SNX29: variants seen among roughly 807,000 people sequenced by gnomAD.
SNX29 encodes sorting nexin 29.
SNX29 carries 78 observed loss-of-function variants against 102.1 expected under a neutral mutation model. That is an observed-to-expected ratio of 0.76 (90% CI 0.64 to 0.92). SNX29 has a LOEUF of 0.92. Ranked by LOEUF, SNX29 falls within the 40% of genes least tolerant of loss-of-function variation. The pLI is 0.00. For synonymous variants in SNX29, 580 were observed against 414.5 expected, an observed-to-expected ratio of 1.40 and a Z score of -4.85; for missense variants, 1,280 against 1,061.7, an observed-to-expected ratio of 1.21 and a Z score of -2.86.
At position 12,568,776 on chromosome 16, in the gene SNX29, C is replaced by T. The variant is rs944998670; in HGVS notation, c.*147C>T. 1 of 1,237,832 alleles carries T rather than the reference C, an allele frequency of 8.1e-7. No homozygotes were observed. The highest frequency in any genetic ancestry group is 1.1e-6 in the Non-Finnish European group (1 of 912,878). The allele number at this position is 1,237,832 out of a possible 1,614,324, so 76.7% of individuals were successfully genotyped here. Reference sequence around the variant, plus strand: ...CGATTCCCAACAGTTACACAACACCCCGATTAAACTAATCAGTCTTCGAGC... The same window carrying T: ...CGATTCCCAACAGTTACACAACACCTCGATTAAACTAATCAGTCTTCGAGC... On this transcript the variant is annotated 3_prime_UTR_variant, in exon 21 of 21. Coordinates refer to ENST00000566228, the MANE Select transcript of SNX29 (RefSeq NM_032167.5).
At chr16:12,057,827 T>TA (rs1314554847) in intron 8 of SNX29, among the ~76,000 whole-genome samples, 5 of 117,388 alleles carry the variant, frequency 4.3e-5, no homozygotes, top group East Asian at 2.2e-4. Context: ...TATATATATA[T>TA]TTTTTTTTGA....
intron 13 of SNX29, among the ~76,000 whole-genome samples, chr16:12,198,776 G>T (rs1176271966): frequency 6.6e-6 from 1 of 152,230 alleles, no homozygotes; most frequent in Non-Finnish European, 1.5e-5. Flanking sequence ...GTAAAATGTG[G>T]AGAATACTGC....
chr16:12,004,864 T>C (rs2056403800), intron 3 of SNX29, among the ~76,000 whole-genome samples: 1 of 152,206 alleles, frequency 6.6e-6, no homozygotes, highest in African/African-American at 2.4e-5. Context: ...ACAAACTATA[T>C]ATACATTCGG....
At chr16:12,539,471 C>T (rs138204344) in intron 20 of SNX29, among the ~76,000 whole-genome samples, 54 of 152,296 alleles carry the variant, frequency 3.5e-4, no homozygotes, top group Admixed American at 5.9e-4. Context: ...GGATATACCA[C>T]GGTTTATCTA....
At chr16:12,112,010 C>G (rs1356043021) in intron 11 of SNX29, among the ~76,000 whole-genome samples, 1 of 152,206 alleles carries the variant, frequency 6.6e-6, no homozygotes, top group Non-Finnish European at 1.5e-5. Flanking sequence ...GTTCCCAGGG[C>G]TCTGCTGGCA....
intron 16 of SNX29, among the ~76,000 whole-genome samples, chr16:12,376,894 G>T (rs1338920309): frequency 6.6e-6 from 1 of 152,008 alleles, no homozygotes; most frequent in Non-Finnish European, 1.5e-5. Flanking sequence ...TCACATGTCT[G>T]TAATTTCATG....
chr16:12,237,558 G>T (rs183771326), intron 14 of SNX29, among the ~76,000 whole-genome samples: 1 of 152,026 alleles, frequency 6.6e-6, no homozygotes, highest in African/African-American at 2.4e-5. Context: ...ATCACCTGAG[G>T]TCAGGAGTTT....
chr16:12,437,578 C>A (rs528231176), intron 18 of SNX29, among the ~76,000 whole-genome samples: 29 of 152,274 alleles, frequency 1.9e-4, no homozygotes, highest in Non-Finnish European at 3.5e-4. Context: ...ATCTCTGTCT[C>A]CCCGAATTGC....
intron 18 of SNX29, among the ~76,000 whole-genome samples, chr16:12,461,809 A>T (rs2086784949): frequency 6.6e-6 from 1 of 150,806 alleles, no homozygotes; most frequent in Non-Finnish European, 1.5e-5. Context: ...ATACAAAATT[A>T]GCCGGGCATG....
intron 15 of SNX29, among the ~76,000 whole-genome samples, chr16:12,326,764 T>TA: frequency 1.7e-4 from 1 of 6,000 alleles, no homozygotes; most frequent in Non-Finnish European, 0.012. Context: ...GATATTATAC[T>TA]AGCTTGTGGT....
At position 12,003,061 on chromosome 16, in the gene SNX29, A is replaced by G; in HGVS notation, c.122+18A>G. 1 of 1,614,016 alleles carries G rather than the reference A, an allele frequency of 6.2e-7. No homozygotes were observed. Among genetic ancestry groups the G allele is most frequent in the Admixed American group, 1.7e-5 (1 of 60,024 alleles). ...GACAGCAGGTAAATATGTCACTTCT[A>G]AAACCGTTGACCATCGAGGTTGGAA... On this transcript the variant is annotated intron_variant, in intron 3 of 20. Transcript: ENST00000566228.
intron 20 of SNX29, among the ~76,000 whole-genome samples, chr16:12,561,537 G>A (rs2078723645): frequency 1.3e-5 from 2 of 152,112 alleles, no homozygotes; most frequent in Non-Finnish European, 1.5e-5. Flanking sequence ...GTCTCTCCTC[G>A]CAGCCATTTT....
At chr16:12,404,263 C>T (rs2084076137) in intron 18 of SNX29, among the ~76,000 whole-genome samples, 1 of 152,150 alleles carries the variant, frequency 6.6e-6, no homozygotes, top group African/African-American at 2.4e-5. Context: ...CCCAGGTGGG[C>T]ATTGAGTGTC....
chr16:12,181,993 C>T (rs748637423), intron 13 of SNX29, among the ~76,000 whole-genome samples: 2 of 151,902 alleles, frequency 1.3e-5, no homozygotes, highest in Admixed American at 1.3e-4. Flanking sequence ...AAGCGATTCT[C>T]CTGCCTCACT....
chr16:12,356,645 G>T (rs953230581), intron 16 of SNX29, among the ~76,000 whole-genome samples: 1 of 152,216 alleles, frequency 6.6e-6, no homozygotes, highest in Admixed American at 6.5e-5. Flanking sequence ...ACTGTTGTAT[G>T]TATCTGTTTG....
intron 13 of SNX29, among the ~76,000 whole-genome samples, chr16:12,170,601 C>T (rs954864857): frequency 6.6e-6 from 1 of 151,858 alleles, no homozygotes; most frequent in African/African-American, 2.4e-5. Flanking sequence ...TGACATGGGA[C>T]GGAGGCTTCT....
intron 15 of SNX29, among the ~76,000 whole-genome samples, chr16:12,306,281 C>G (rs1403533368): frequency 6.6e-6 from 1 of 152,060 alleles, no homozygotes; most frequent in Non-Finnish European, 1.5e-5. Context: ...ATTTTCTCCT[C>G]ACTCACACGG....
intron 13 of SNX29, among the ~76,000 whole-genome samples, chr16:12,134,069 G>C (rs995265849): frequency 1.3e-5 from 2 of 152,192 alleles, no homozygotes; most frequent in African/African-American, 4.8e-5. Context: ...TTAAGGCTCT[G>C]TAAGTCACAT....
At chr16:12,223,512 A>T (rs2077531557) in intron 14 of SNX29, among the ~76,000 whole-genome samples, 1 of 152,194 alleles carries the variant, frequency 6.6e-6, no homozygotes. Context: ...AAATACAAAA[A>T]TTAGCAGGGC....
Sources: allele counts gnomAD v4.1 joint callset (sites outside exome capture counted in the v4.1 genomes callset), GRCh38; gene constraint gnomAD v4.1.1; transcripts MANE v1.5; gene names NCBI Gene and HGNC (gene_info 2026-07-23, HGNC 2026-07-21).